The following PRMT8 variants were observed in gnomAD, a reference collection of about 807,000 sequenced individuals.
PRMT8 encodes the protein protein arginine methyltransferase 8.
PRMT8 carries 7 observed loss-of-function variants against 47.1 expected under a neutral mutation model. The observed-to-expected ratio is 0.15, with a 90% CI of 0.08 to 0.28. The LOEUF (loss-of-function observed/expected upper bound fraction) is 0.28. Among genes scored for constraint, PRMT8 ranks in the 10% least tolerant of loss-of-function variants. PRMT8 has a pLI of 1.00. For missense variants in PRMT8, 237 were observed against 505.4 expected (o/e 0.47, Z 5.09); for synonymous variants, 188 against 186.5 (o/e 1.01, Z -0.07).
In PRMT8 at chr12:3,460,740, C is replaced by T. The variant is rs142816951; in HGVS notation, c.48+79298C>T. ...CAAGTAAGAAGCTATAGGTTTCAAA[C>T]TTGGGGCTGTCGGATTTCAGAGCCC... On this transcript the variant is annotated intron_variant, in intron 1 of 9. Coordinates refer to the PRMT8 transcript ENST00000452611. Among the ~76,000 whole-genome samples the T allele has an allele frequency of 7.2e-4, 110 of 152,340 alleles. 2 individuals are homozygous for T. The East Asian group carries it at 0.015, about 20-fold the overall frequency.
At chr12:3,471,072 A>G (rs1865157118) in intron 1 of PRMT8, among the ~76,000 whole-genome samples, 1 of 152,100 alleles carries the variant, frequency 6.6e-6, no homozygotes, top group Admixed American at 6.5e-5. Flanking sequence ...GCGCTCAGAG[A>G]AGCAGAAGGA....
At chr12:3,530,251 C>T (rs976866661) in intron 1 of PRMT8, among the ~76,000 whole-genome samples, 1 of 152,064 alleles carries the variant, frequency 6.6e-6, no homozygotes, top group Non-Finnish European at 1.5e-5. Flanking sequence ...CTCCTTCACT[C>T]GACTATAATA....
chr12:3,498,067 A>G (rs879614941), intron 1 of PRMT8, among the ~76,000 whole-genome samples: 5 of 152,192 alleles, frequency 3.3e-5, no homozygotes, highest in Non-Finnish European at 5.9e-5. Flanking sequence ...GTTTCTCTGC[A>G]TAAGGTCTAG....
intron 1 of PRMT8, among the ~76,000 whole-genome samples, chr12:3,532,178 T>C (rs1041877835): frequency 1.3e-5 from 2 of 151,580 alleles, no homozygotes; most frequent in Non-Finnish European, 2.9e-5. Context: ...TTTATAGATC[T>C]CAGGAAAAAG....
chr12:3,585,703 C>T (rs778269413), intron 8 of PRMT8, among the ~76,000 whole-genome samples: 8 of 152,000 alleles, frequency 5.3e-5, no homozygotes, highest in Non-Finnish European at 1.0e-4. Context: ...TTTTGGTCTC[C>T]GTCAGCCAGG....
At chr12:3,527,697 T>TA (rs1400811465) in intron 1 of PRMT8, among the ~76,000 whole-genome samples, 1 of 152,170 alleles carries the variant, frequency 6.6e-6, no homozygotes, top group African/African-American at 2.4e-5. Flanking sequence ...AATGATCTTC[T>TA]AAAGGGATTT....
chr12:3,530,044 C>T (rs1866005852), intron 1 of PRMT8, among the ~76,000 whole-genome samples: 1 of 152,208 alleles, frequency 6.6e-6, no homozygotes, highest in African/African-American at 2.4e-5. Flanking sequence ...ATATGTTCTT[C>T]TCCTAGAAAT....
chr12:3,471,127 C>A lies in PRMT8; in HGVS notation c.49-69479C>A, dbSNP rs188356053. ...GCAGCAAGTGGTAGTGACAGAGGTG[C>A]CTGTCTGAAGGCTGCACTTTAAGAG... On this transcript the variant is annotated intron_variant, in intron 1 of 9. Transcript: ENST00000452611. Among the ~76,000 whole-genome samples, 11 of 152,196 alleles carry A rather than the reference C, an allele frequency of 7.2e-5. No homozygotes were observed. In the East Asian group the frequency reaches 1.9e-3, roughly 27 times the overall value.
intron 1 of PRMT8, among the ~76,000 whole-genome samples, chr12:3,440,967 G>C (rs899509410): frequency 2.4e-4 from 37 of 152,116 alleles, no homozygotes; most frequent in African/African-American, 8.7e-4. Flanking sequence ...AATACTCTTT[G>C]TTCGGTGTGC....
chr12:3,408,723 T>C lies in PRMT8; in HGVS notation c.48+27281T>C, dbSNP rs767035922. On this transcript the variant is annotated intron_variant, in intron 1 of 9. Transcript: ENST00000452611. ...TCAAAACCTTACAGAGTGGCTTTCA[T>C]AGGGAAAGACTCACCTGCAGAGGGG... 3.9e-5 allele frequency among the ~76,000 whole-genome samples: 6 copies of C among 152,122 alleles called. 1 individual carries two copies. Among genetic ancestry groups the C allele is most frequent in the Non-Finnish European group, 7.4e-5 (5 of 68,020 alleles).
intron 1 of PRMT8, among the ~76,000 whole-genome samples, chr12:3,405,471 C>T (rs1864363162): frequency 6.6e-6 from 1 of 152,194 alleles, no homozygotes; most frequent in African/African-American, 2.4e-5. Flanking sequence ...AATCTTAGCT[C>T]ATTCTAGCAT....
At chr12:3,442,023 CA>C (rs1864808409) in intron 1 of PRMT8, among the ~76,000 whole-genome samples, 1 of 152,130 alleles carries the variant, frequency 6.6e-6, no homozygotes. Context: ...AAATACTAAC[CA>C]TGAAAACACA....
chr12:3,432,360 G>A (rs1347079664), intron 1 of PRMT8, among the ~76,000 whole-genome samples: 2 of 152,266 alleles, frequency 1.3e-5, no homozygotes, highest in African/African-American at 4.8e-5. Flanking sequence ...TTGGCTGACT[G>A]CAGAGTAAGA....
chr12:3,484,243 TC>T (rs1478085092), intron 1 of PRMT8, among the ~76,000 whole-genome samples: 6 of 152,186 alleles, frequency 3.9e-5, no homozygotes, highest in African/African-American at 7.2e-5. Flanking sequence ...GTCTTTGCTG[TC>T]ATTTGGAGGT....
chr12:3,531,319 G>A (rs1866027318), intron 1 of PRMT8, among the ~76,000 whole-genome samples: 1 of 152,180 alleles, frequency 6.6e-6, no homozygotes, highest in Non-Finnish European at 1.5e-5. Flanking sequence ...AGGAAGAGGA[G>A]GGGAATGCAT....
intron 1 of PRMT8, among the ~76,000 whole-genome samples, chr12:3,430,511 G>A (rs1864663737): frequency 6.6e-6 from 1 of 152,188 alleles, no homozygotes; most frequent in Admixed American, 6.5e-5. Context: ...GTATTCTTAT[G>A]GTGATTAACT....
Position 3,593,272 on chromosome 12 carries a change from C to A in PRMT8, c.*90C>A. On this transcript the variant is annotated 3_prime_UTR_variant, in exon 10 of 10. Coordinates refer to ENST00000382622, the MANE Select transcript of PRMT8 (RefSeq NM_019854.5). The surrounding 1 kb of genome is among the most constrained non-coding windows in gnomAD (Gnocchi z 4.8). ...CCAAAGAATACCGTTTGCAGGACTA[C>A]ACACTTGAAAACCAGAGTTTTCAAC... The A allele has an allele frequency of 8.8e-7, 1 of 1,140,842 alleles. No individual in the cohort carries two copies. The highest frequency in any genetic ancestry group is 1.3e-6 in the Non-Finnish European group (1 of 786,140). The allele number at this position is 1,140,842 out of a possible 1,614,324, so 70.7% of individuals were successfully genotyped here.
intron 1 of PRMT8, among the ~76,000 whole-genome samples, chr12:3,392,925 C>T (rs981217280): frequency 6.6e-6 from 1 of 152,146 alleles, no homozygotes; most frequent in Non-Finnish European, 1.5e-5. Context: ...GAGATGGTAT[C>T]TCATTGTGGT....
At chr12:3,483,855 C>T (rs1191346726) in intron 1 of PRMT8, among the ~76,000 whole-genome samples, 1 of 152,156 alleles carries the variant, frequency 6.6e-6, no homozygotes, top group Non-Finnish European at 1.5e-5. Flanking sequence ...GTTATGCTGA[C>T]TTACAGCCCA....
Sources: gnomAD v4.1 joint callset for allele counts (sites outside exome capture counted in the v4.1 genomes callset) on GRCh38, gnomAD v4.1.1 for gene constraint, Gnocchi (gnomAD v3.1) non-coding constraint, MANE v1.5 for transcripts, NCBI Gene and HGNC (gene_info 2026-07-23, HGNC 2026-07-21) for gene names.